Variants in RNLS observed in about 807,000 individuals in gnomAD.
The protein encoded by RNLS is renalase.
A neutral mutation model predicts 39.8 loss-of-function variants in RNLS; 39 were observed. The observed-to-expected ratio is 0.98, with a 90% CI of 0.76 to 1.28. RNLS has a LOEUF of 1.28. Ranked by LOEUF, RNLS falls within the 50% of genes most tolerant of loss-of-function variation. The pLI is 0.00. For missense variants in RNLS, 410 were observed against 413.3 expected, an observed-to-expected ratio of 0.99 and a Z score of 0.07; for synonymous variants, 147 against 150.7, an observed-to-expected ratio of 0.98 and a Z score of 0.18.
At chr10:88,274,523 T>C (rs1479481226) in exon 7 of RNLS, 1 of 157,478 alleles carries the variant, frequency 6.4e-6, no homozygotes, top group Non-Finnish European at 1.4e-5. Flanking sequence ...TGTCAGAATT[T>C]CCTTCCCTTT....
chr10:88,426,700 C>A (rs1463261649), intron 4 of RNLS, among the ~76,000 whole-genome samples: 6 of 151,954 alleles, frequency 3.9e-5, no homozygotes. Flanking sequence ...TATTATTATC[C>A]CCTTCCATAC....
intron 4 of RNLS, among the ~76,000 whole-genome samples, chr10:88,442,576 A>G (rs1409222899): frequency 6.6e-6 from 1 of 151,902 alleles, no homozygotes; most frequent in African/African-American, 2.4e-5. Flanking sequence ...TTTTTATTTT[A>G]CAGGTCTCTG....
At chr10:88,474,552 T>C (rs1345391711) in intron 4 of RNLS, among the ~76,000 whole-genome samples, 3 of 152,188 alleles carry the variant, frequency 2.0e-5, no homozygotes, top group Admixed American at 2.0e-4. Context: ...TTAAATGGAT[T>C]ATAATAATAC....
chr10:88,477,872 G>A (rs1273756376), intron 4 of RNLS, among the ~76,000 whole-genome samples: 1 of 152,154 alleles, frequency 6.6e-6, no homozygotes, highest in African/African-American at 2.4e-5. Context: ...AGGACACACT[G>A]TTCATTACTA....
chr10:88,376,164 C>A (rs1050808265), intron 4 of RNLS, among the ~76,000 whole-genome samples: 1 of 151,990 alleles, frequency 6.6e-6, no homozygotes, highest in Non-Finnish European at 1.5e-5. Flanking sequence ...AATTTAGTTC[C>A]TTTTGGGGGC....
chr10:88,392,394 C>T (rs755419303), intron 4 of RNLS, among the ~76,000 whole-genome samples: 2 of 152,212 alleles, frequency 1.3e-5, no homozygotes, highest in Non-Finnish European at 2.9e-5. Context: ...CTCTGCCTAA[C>T]CTTGTGGCTC....
At chr10:88,459,475 G>A (rs1249684581) in intron 4 of RNLS, among the ~76,000 whole-genome samples, 1 of 152,048 alleles carries the variant, frequency 6.6e-6, no homozygotes, top group African/African-American at 2.4e-5. Flanking sequence ...TGCTCTTTTT[G>A]TCTGTTTCGT....
intron 4 of RNLS, among the ~76,000 whole-genome samples, chr10:88,372,059 T>C (rs1291014161): frequency 6.6e-6 from 1 of 152,172 alleles, no homozygotes; most frequent in Non-Finnish European, 1.5e-5. Flanking sequence ...AGATCATGAC[T>C]TTTGTTCCCA....
chr10:88,499,788 A>G (rs1845371670), intron 4 of RNLS, among the ~76,000 whole-genome samples: 1 of 152,164 alleles, frequency 6.6e-6, no homozygotes, highest in Non-Finnish European at 1.5e-5. Context: ...ATCTGTCTTC[A>G]TACGCTTGTG....
chr10:88,292,548 C>G (rs1359433065), intron 6 of RNLS, among the ~76,000 whole-genome samples: 1 of 149,660 alleles, frequency 6.7e-6, no homozygotes, highest in Non-Finnish European at 1.5e-5. Context: ...TCTCTTATTT[C>G]TCAACTGCAT....
intron 4 of RNLS, among the ~76,000 whole-genome samples, chr10:88,434,387 T>C (rs1292489137): frequency 6.6e-6 from 1 of 152,082 alleles, no homozygotes; most frequent in Non-Finnish European, 1.5e-5. Context: ...ATTAGGAAAT[T>C]TGAGCTCTAC....
chr10:88,483,845 T>C (rs1564837517), intron 4 of RNLS, among the ~76,000 whole-genome samples: 1 of 152,120 alleles, frequency 6.6e-6, no homozygotes, highest in Non-Finnish European at 1.5e-5. Flanking sequence ...ACCTTACAAA[T>C]TGGTAGTAGT....
At chr10:88,547,656 A>G (rs1848387739) in intron 4 of RNLS, among the ~76,000 whole-genome samples, 1 of 152,174 alleles carries the variant, frequency 6.6e-6, no homozygotes, top group Admixed American at 6.5e-5. Context: ...GTCCCTAAAC[A>G]TTTCCAAGTG....
chr10:88,364,879 C>T (rs977377054), intron 4 of RNLS, among the ~76,000 whole-genome samples: 1 of 152,052 alleles, frequency 6.6e-6, no homozygotes, highest in African/African-American at 2.4e-5. Context: ...CAGCTGAGCA[C>T]ATAATCACTG....
At position 88,347,126 on chromosome 10, in the gene RNLS, T is replaced by C. The variant is rs1848362075; in HGVS notation, c.700+15426A>G. 1.3e-5 allele frequency among the ~76,000 whole-genome samples: 2 copies of C among 152,154 alleles called. 1 individual carries two copies. The highest frequency in any genetic ancestry group is 1.3e-4 in the Admixed American group (2 of 15,262). On this transcript the variant is annotated intron_variant, in intron 5 of 6. Coordinates refer to ENST00000331772, the MANE Select transcript of RNLS (RefSeq NM_001031709.3). ...CCCAGGACCTGAGGCTCACAAGCAGTCTGTGATTTACGCAGTTTTATGATA... is the reference window on the plus strand; with the variant it reads ...CCCAGGACCTGAGGCTCACAAGCAGCCTGTGATTTACGCAGTTTTATGATA...
chr10:88,317,232 C>A (rs1845830179), intron 5 of RNLS, among the ~76,000 whole-genome samples: 1 of 152,158 alleles, frequency 6.6e-6, no homozygotes, highest in African/African-American at 2.4e-5. Flanking sequence ...CCTTTAATAG[C>A]CCTGTAATCT....
At chr10:88,242,536 ATC>A in the RNLS span, among the ~76,000 whole-genome samples, 3 of 152,204 alleles carry the variant, frequency 2.0e-5, no homozygotes, top group Admixed American at 6.5e-5. Context: ...TCAAAAAAAA[ATC>A]TCTGTTTTTT....
intron 3 of RNLS, among the ~76,000 whole-genome samples, chr10:88,581,235 C>T (rs1382523100): frequency 6.7e-6 from 1 of 149,392 alleles, no homozygotes; most frequent in Non-Finnish European, 1.5e-5. Flanking sequence ...CAAAATTATT[C>T]CCTTTTATAT....
chr10:88,365,825 C>A (rs941605021), intron 4 of RNLS, among the ~76,000 whole-genome samples: 3 of 151,978 alleles, frequency 2.0e-5, no homozygotes, highest in African/African-American at 7.2e-5. Context: ...AACAGAAGAC[C>A]TGGCTGTACT....
Sources: gnomAD v4.1 joint callset for allele counts (sites outside exome capture counted in the v4.1 genomes callset) on GRCh38, gnomAD v4.1.1 for gene constraint, MANE v1.5 for transcripts, NCBI Gene and HGNC (gene_info 2026-07-23, HGNC 2026-07-21) for gene names.